Variants in SDAD1 observed in about 807,000 individuals in gnomAD.
SDAD1 encodes the protein protein SDA1 homolog.
A neutral mutation model predicts 100.3 loss-of-function variants in SDAD1; 79 were observed. That is an observed-to-expected ratio of 0.79 (90% confidence interval 0.66 to 0.95). SDAD1 has a LOEUF of 0.95. Ranked by LOEUF, SDAD1 falls within the 40% of genes least tolerant of loss-of-function variation. SDAD1 has a pLI of 0.00. For missense variants in SDAD1, 790 were observed against 810.9 expected (o/e 0.97, Z 0.31); for synonymous variants, 267 against 271.4 (o/e 0.98, Z 0.16).
At chr4:75,990,379 C>T (rs1731180258) in intron 1 of SDAD1, among the ~76,000 whole-genome samples, 2 of 151,476 alleles carry the variant, frequency 1.3e-5, no homozygotes, top group South Asian at 4.2e-4. Context: ...AGGTTACCGA[C>T]TAATTCAAGT....
chr4:75,978,989 A>G (rs1461063662), intron 3 of SDAD1, among the ~76,000 whole-genome samples: 2 of 105,588 alleles, frequency 1.9e-5, no homozygotes, highest in South Asian at 2.4e-4. Flanking sequence ...TCAGAAAAAA[A>G]AAAAAAAAAA....
chr4:75,965,825 G>C lies in SDAD1; in HGVS notation c.1046-3C>G. ...AAACAGAAGGATCTTGGTTACTTCT[G>C]AAAACATAAGAGAACAGAAAGGTCA... is the stretch of plus-strand genomic sequence containing the variant. On this transcript the variant is annotated splice_polypyrimidine_tract_variant and splice_region_variant and intron_variant, in intron 12 of 21. Transcript: ENST00000356260. The C allele has an allele frequency of 6.2e-7, 1 of 1,613,018 alleles. No homozygotes were observed. Among genetic ancestry groups the C allele is most frequent in the Non-Finnish European group, 8.5e-7 (1 of 1,179,386 alleles).
At chr4:75,989,022 AAT>A (rs1188666576) in intron 1 of SDAD1, among the ~76,000 whole-genome samples, 2 of 152,168 alleles carry the variant, frequency 1.3e-5, no homozygotes, top group East Asian at 1.9e-4. Context: ...TCTTAAAAAA[AAT>A]ATGTCAGATC....
At chr4:75,964,252 T>C in intron 13 of SDAD1, 41 bp from the exon 14 acceptor site, 2 of 1,296,002 alleles carry the variant, frequency 1.5e-6, no homozygotes, top group South Asian at 1.2e-5. Flanking sequence ...TGATTAAATG[T>C]CTGCATACAC....
At chr4:75,977,542 G>A in intron 4 of SDAD1, 104 bp downstream of exon 4, 1 of 782,176 alleles carries the variant, frequency 1.3e-6, no homozygotes, top group Non-Finnish European at 2.2e-6. Flanking sequence ...GCTTTTTCCT[G>A]TTAAAGTTAT....
At chr4:75,962,073 G>A (rs1349196078) in intron 14 of SDAD1, among the ~76,000 whole-genome samples, 2 of 152,018 alleles carry the variant, frequency 1.3e-5, no homozygotes, top group African/African-American at 4.8e-5. Context: ...GACAGGCCCC[G>A]GTGTGTGATG....
chr4:75,971,263 G>C, intron 9 of SDAD1, 94 bp downstream of exon 9: 1 of 799,966 alleles, frequency 1.3e-6, no homozygotes, highest in South Asian at 1.7e-5. Flanking sequence ...TCTGAAAATG[G>C]TACTCTGATT....
rs761360279 is a variant in SDAD1, at chr4:75,981,325, G to A, written c.294+47C>T. 45 of 1,543,982 alleles carry A rather than the reference G, an allele frequency of 2.9e-5. No individual in the cohort carries two copies. The South Asian group carries it at 5.0e-4, about 17-fold the overall frequency. ...TCTCATTTAAATATATATGAACGCA[G>A]CACACATGAACACAGCACAATTTAT... is the stretch of plus-strand genomic sequence containing the variant. On this transcript the variant is annotated intron_variant, in intron 3 of 21. Transcript: ENST00000356260.
chr4:75,970,345 T>TA lies in SDAD1; in HGVS notation c.846dup (p.Asn283Ter). 6.2e-7 allele frequency: 1 copy of TA among 1,613,970 alleles called. No individual in the cohort carries two copies. Among genetic ancestry groups the TA allele is most frequent in the Non-Finnish European group, 8.5e-7 (1 of 1,179,876 alleles). On this transcript the variant is annotated frameshift_variant, in exon 10 of 22. Transcript: ENST00000356260. LOFTEE classifies it high-confidence loss of function. ...TGAATCAAGTGAATGGCTGAAAAGT[T>TA]AAACACCTCTGGTTTTTTCTTCTTT... is the stretch of plus-strand genomic sequence containing the variant.
chr4:75,961,952 GGTTT>G lies in SDAD1; in HGVS notation c.1182-648_1182-645del, dbSNP rs1223602840. Among the ~76,000 whole-genome samples, 9 of 152,130 alleles carry G rather than the reference GGTTT, an allele frequency of 5.9e-5. No homozygotes were observed. The East Asian group carries it at 9.6e-4, about 16-fold the overall frequency. On this transcript the variant is annotated intron_variant, in intron 14 of 21. Coordinates refer to ENST00000356260, the MANE Select transcript of SDAD1 (RefSeq NM_018115.4). The stretch of plus-strand genomic sequence containing the variant: ...ATAGGGTACATGTGCACAACGTGCA[GGTTT>G]GTTACATATGTATACATGTGTCATG...
intron 21 of SDAD1, among the ~76,000 whole-genome samples, chr4:75,953,498 T>C (rs528202024): frequency 8.9e-4 from 135 of 152,330 alleles, no homozygotes; most frequent in African/African-American, 3.1e-3. Context: ...AAATTTAGAG[T>C]ACTTAAAATC....
In SDAD1 at chr4:75,950,796, A is replaced by C. The variant is rs138382679; in HGVS notation, c.2018T>G (p.Leu673Trp). 3.4e-4 allele frequency: 541 copies of C among 1,581,324 alleles called. No homozygotes were observed. The highest frequency in any genetic ancestry group is 4.5e-4 in the Non-Finnish European group (522 of 1,154,926). ...KNKRSFREKQ[L>W]ALRDALLKKR... ...TTTCAAAAGTGCATCTCGTAGTGCC[A>C]ACTGTAAGATAAAAAAGTATTGAAA... Residue 673 changes from leucine (L) to tryptophan (W), a missense_variant and splice_region_variant, in exon 22 of 22, where the codon TTG becomes TGG. Transcript: ENST00000356260.
chr4:75,966,518 A>G (rs1729554078), intron 12 of SDAD1, among the ~76,000 whole-genome samples: 1 of 152,196 alleles, frequency 6.6e-6, no homozygotes, highest in Non-Finnish European at 1.5e-5. Flanking sequence ...TCCATGTTAG[A>G]TACTGAATAA....
rs1179477572 is a variant in SDAD1, at chr4:75,957,584, A to G, written c.1703T>C (p.Leu568Pro). 1 of 1,613,986 alleles carries G rather than the reference A, an allele frequency of 6.2e-7. No homozygotes were observed. The change falls in exon 19 of 22, where the codon CTT becomes CCT. Residue 568 changes from leucine (L) to proline (P), a missense_variant. Transcript: ENST00000356260. Reference protein sequence around the residue: ...KIRMAQMRKELDAAPGKSQKR... With the variant: ...KIRMAQMRKEPDAAPGKSQKR... ...CTGGGATTTCCCGGGGGCAGCATCA[A>G]GTTCTTTTCTCATTTGGGCCATGCG... is the stretch of plus-strand genomic sequence containing the variant.
intron 1 of SDAD1, among the ~76,000 whole-genome samples, chr4:75,990,213 G>A (rs113183580): frequency 8.6e-5 from 13 of 150,574 alleles, no homozygotes; most frequent in African/African-American, 3.2e-4. Flanking sequence ...TCTCCGGTAA[G>A]TTTGAATCCT....
At position 75,982,388 on chromosome 4, in the gene SDAD1, T is replaced by C. The variant is rs576875985; in HGVS notation, c.91-351A>G. 3.9e-5 allele frequency among the ~76,000 whole-genome samples: 6 copies of C among 152,254 alleles called. No individual in the cohort carries two copies. In the South Asian group the frequency reaches 6.2e-4, roughly 16 times the overall value. On this transcript the variant is annotated intron_variant, in intron 1 of 21. Transcript: ENST00000356260. ...GACTGCTGGGTGTAGTGGCTCACAC[T>C]TGTAATCCCAGCACTTTGGGAGGCC...
At chr4:75,982,871 G>A (rs1362652317) in intron 1 of SDAD1, among the ~76,000 whole-genome samples, 1 of 150,336 alleles carries the variant, frequency 6.7e-6, no homozygotes, top group Non-Finnish European at 1.5e-5. Flanking sequence ...AGGTATACAT[G>A]TGCCATGGTG....
At position 75,981,992 on chromosome 4, in the gene SDAD1, T is replaced by C. The variant is rs765821395; in HGVS notation, c.136A>G (p.Lys46Glu). ...NHYKSNVEIF[K>E]LQPNKPSKEL... ...TTGCTGGGTTTATTTGGTTGCAATTTGAAAATCTCCACATTGGATTTGTAG... is the reference window on the plus strand; with the variant it reads ...TTGCTGGGTTTATTTGGTTGCAATTCGAAAATCTCCACATTGGATTTGTAG... The change falls in exon 2 of 22, where the codon AAA becomes GAA. Residue 46 changes from lysine to glutamate, a missense_variant. Lys to Glu is a moderately conservative substitution (Grantham distance 56). Coordinates refer to ENST00000356260, the MANE Select transcript of SDAD1 (RefSeq NM_018115.4). 3.7e-6 allele frequency: 6 copies of C among 1,612,662 alleles called. No homozygotes were observed. Among genetic ancestry groups the C allele is most frequent in the Non-Finnish European group, 5.1e-6 (6 of 1,179,566 alleles).
At chr4:75,981,820 A>C in intron 2 of SDAD1, 113 bp downstream of exon 2, 1 of 848,902 alleles carries the variant, frequency 1.2e-6, no homozygotes. Flanking sequence ...AAGTTAGAAA[A>C]ATATTTTAAT....
Sources: allele counts gnomAD v4.1 joint callset (sites outside exome capture counted in the v4.1 genomes callset), GRCh38; gene constraint gnomAD v4.1.1; transcripts MANE v1.5; gene names NCBI Gene and HGNC (gene_info 2026-07-23, HGNC 2026-07-21).